LEMD3: variants seen among roughly 807,000 people sequenced by gnomAD.
LEMD3 encodes LEM domain containing 3.
LEMD3 carries 33 observed loss-of-function variants against 95.2 expected under a neutral mutation model. That is an observed-to-expected ratio of 0.35 (90% CI 0.26 to 0.46). The LOEUF (loss-of-function observed/expected upper bound fraction) is 0.46, where lower values mean the gene tolerates loss of function less well. LEMD3 is among the 20% of genes least tolerant of loss of function. The probability of loss-of-function intolerance (pLI) is 1.00; values close to 1 mark genes in which losing one functional copy is unlikely to be tolerated. For synonymous variants in LEMD3, 525 were observed against 474.6 expected (o/e 1.11, Z -1.38); for missense variants, 1,210 against 1,192.8 (o/e 1.01, Z -0.21).
chr12:65,246,163 G>A lies in LEMD3; in HGVS notation c.2574G>A (p.Gly858=). The A allele has an allele frequency of 1.2e-6, 2 of 1,605,500 alleles. No individual in the cohort carries two copies. ...FKALHGSWFD[G]KLVTVKYLRL... ...AATATTATTTTTATCTTACAACAGG[G>A]AAATTGGTTACAGTAAAATATTTAC... is the stretch of plus-strand genomic sequence containing the variant. The change falls in exon 13 of 13, where the codon GGG becomes GGA. Residue 858 remains glycine (G), a splice_region_variant and synonymous_variant. Transcript: ENST00000308330.
In LEMD3 at chr12:65,236,649, T is replaced by C. The variant is rs544668418; in HGVS notation, c.1696-1853T>C. Among the ~76,000 whole-genome samples the C allele has an allele frequency of 2.0e-5, 3 of 152,308 alleles. 1 individual carries two copies. In the South Asian group the frequency reaches 6.2e-4, roughly 32 times the overall value. On this transcript the variant is annotated intron_variant, in intron 4 of 12. Transcript: ENST00000308330. ...AGGGAATTTTTCACTGTGTTGTTTA[T>C]GCTGCACCTCTAGTTTCTAAAATAG... is the stretch of plus-strand genomic sequence containing the variant.
chr12:65,179,435 A>G (rs1868833415), intron 1 of LEMD3, among the ~76,000 whole-genome samples: 2 of 152,206 alleles, frequency 1.3e-5, no homozygotes, highest in Admixed American at 6.5e-5. Context: ...AATATGTTAT[A>G]TAAATGGAAA....
At chr12:65,241,758 T>C (rs1870945357) in intron 9 of LEMD3, among the ~76,000 whole-genome samples, 7 of 152,206 alleles carry the variant, frequency 4.6e-5, no homozygotes, top group Admixed American at 4.6e-4. Context: ...CTAAACATAG[T>C]ATTTGTGGAA....
chr12:65,246,657 A>T lies in LEMD3; in HGVS notation c.*332A>T. The T allele has an allele frequency of 3.3e-6, 1 of 300,146 alleles. No individual in the cohort carries two copies. Among genetic ancestry groups the T allele is most frequent in the Non-Finnish European group, 6.3e-6 (1 of 158,102 alleles). The allele number at this position is 300,146 out of a possible 1,614,324, so 18.6% of individuals were successfully genotyped here. On this transcript the variant is annotated 3_prime_UTR_variant, in exon 13 of 13. Transcript: ENST00000308330. ...GTTTGGATAACCACACAAAAGCATGATGAAAAGGCTTCTTGTAGTCCCATA... is the reference window on the plus strand; with the variant it reads ...GTTTGGATAACCACACAAAAGCATGTTGAAAAGGCTTCTTGTAGTCCCATA...
At position 65,189,946 on chromosome 12, in the gene LEMD3, TAA is replaced by T. The variant is rs1171702153; in HGVS notation, c.1522+18830_1522+18831del. Among the ~76,000 whole-genome samples the T allele has an allele frequency of 2.6e-5, 4 of 152,272 alleles. No homozygotes were observed. In the East Asian group the frequency reaches 7.7e-4, roughly 29 times the overall value. ...CTTCTCAAGGTCCTCAAAATATTTT[TAA>T]AGTTACTGGGCCTGCCTTACTCAAC... On this transcript the variant is annotated intron_variant, in intron 1 of 12. Transcript: ENST00000308330.
intron 4 of LEMD3, among the ~76,000 whole-genome samples, chr12:65,226,466 G>A (rs1215515905): frequency 6.6e-6 from 1 of 151,998 alleles, no homozygotes; most frequent in African/African-American, 2.4e-5. Context: ...GAGGGTCTGG[G>A]GCTTCCTATT....
In LEMD3 at chr12:65,169,860, G is replaced by C; in HGVS notation, c.264G>C (p.Gly88=). The change falls in exon 1 of 13, where the codon GGG becomes GGC. Residue 88 remains glycine, a synonymous_variant. Coordinates refer to ENST00000308330, the MANE Select transcript of LEMD3 (RefSeq NM_014319.5). The stretch of plus-strand genomic sequence containing the variant: ...GACCAGCGGCGGCGGCGGCCGCGGG[G>C]ATGGGGGTCCGGCCGGTCTCGGGCG... ...AAGPAAAAAA[G]MGVRPVSGDL... is the part of the protein sequence containing the mutation. 3 of 1,462,318 alleles carry C rather than the reference G, an allele frequency of 2.1e-6. 1 individual carries two copies. The South Asian group carries it at 4.3e-5, about 21-fold the overall frequency. The allele number at this position is 1,462,318 out of a possible 1,614,324, so 90.6% of individuals were successfully genotyped here.
intron 1 of LEMD3, chr12:65,171,600 G>A: frequency 5.4e-6 from 1 of 184,204 alleles, no homozygotes; most frequent in South Asian, 9.9e-5. Flanking sequence ...AATATTTTGT[G>A]GTATTAACTG....
intron 1 of LEMD3, among the ~76,000 whole-genome samples, chr12:65,205,174 A>G (rs1176314288): frequency 6.6e-6 from 1 of 152,170 alleles, no homozygotes; most frequent in Non-Finnish European, 1.5e-5. Flanking sequence ...TCATGAGAAC[A>G]GCATGGGGGA....
intron 1 of LEMD3, among the ~76,000 whole-genome samples, chr12:65,174,829 T>A (rs1258084773): frequency 6.6e-6 from 1 of 152,204 alleles, no homozygotes; most frequent in Non-Finnish European, 1.5e-5. Context: ...AATAAGAATT[T>A]CACATAATGG....
chr12:65,171,836 G>A (rs1868560571), intron 1 of LEMD3: 1 of 152,212 alleles, frequency 6.6e-6, no homozygotes, highest in South Asian at 2.1e-4. Context: ...AAGTATCTCT[G>A]CCCTTAAACA....
chr12:65,176,835 C>T lies in LEMD3; in HGVS notation c.1522+5717C>T, dbSNP rs571632141. ...TAGATGGAAGTCACATTAGTATCTT[C>T]AGCACAGATTCATTATTCAGCAAAT... On this transcript the variant is annotated intron_variant, in intron 1 of 12. Coordinates refer to ENST00000308330, the MANE Select transcript of LEMD3 (RefSeq NM_014319.5). 1.3e-4 allele frequency among the ~76,000 whole-genome samples: 20 copies of T among 152,294 alleles called. 1 individual carries two copies. The South Asian group carries it at 3.9e-3, about 30-fold the overall frequency.
rs1302868559 is a variant in LEMD3, at chr12:65,169,619, C to A, written c.23C>A (p.Ala8Glu). 4.4e-6 allele frequency: 7 copies of A among 1,588,196 alleles called. No individual in the cohort carries two copies. The South Asian group carries it at 8.0e-5, about 18-fold the overall frequency. Residue 8 changes from alanine (A) to glutamate (E), a missense_variant, in exon 1 of 13, where the codon GCG (alanine) becomes GAG (glutamate). By Grantham distance (107) the Ala-to-Glu change is moderately radical (BLOSUM62 -1). This residue lies in a region of LEMD3 where 749 missense variants were observed against 622.9 expected (regional missense o/e 1.20). Coordinates refer to ENST00000308330, the MANE Select transcript of LEMD3 (RefSeq NM_014319.5). MAAAAAS[A>E]PQQLSDEELF... Reference sequence around the variant, plus strand: ...AAAATGGCGGCGGCAGCAGCTTCGGCGCCTCAGCAGCTCTCGGATGAGGAG... The same window carrying A: ...AAAATGGCGGCGGCAGCAGCTTCGGAGCCTCAGCAGCTCTCGGATGAGGAG...
At chr12:65,223,299 ATTTTTTTTT>A (rs35145654) in intron 4 of LEMD3, among the ~76,000 whole-genome samples, 2 of 118,658 alleles carry the variant, frequency 1.7e-5, no homozygotes, top group African/African-American at 6.4e-5. Flanking sequence ...TCATGTGATG[ATTTTTTTTT>A]TTTTTTTTTT....
chr12:65,216,894 C>G (rs539699332), intron 3 of LEMD3, among the ~76,000 whole-genome samples: 9 of 152,200 alleles, frequency 5.9e-5, no homozygotes, highest in Admixed American at 2.0e-4. Flanking sequence ...GCTTTTAATT[C>G]TGTATTATAT....
At chr12:65,240,865 C>T (rs978142712) in intron 8 of LEMD3, 44 bp from the exon 9 acceptor site, 3 of 1,548,020 alleles carry the variant, frequency 1.9e-6, no homozygotes, top group Non-Finnish European at 1.8e-6. Flanking sequence ...AAAAAGATGA[C>T]AAGCCAAGAT....
intron 1 of LEMD3, among the ~76,000 whole-genome samples, chr12:65,185,044 G>C (rs531899608): frequency 6.6e-6 from 1 of 151,606 alleles, no homozygotes; most frequent in South Asian, 2.1e-4. Flanking sequence ...GTAATTACTC[G>C]GGCCTTGGGC....
intron 4 of LEMD3, among the ~76,000 whole-genome samples, chr12:65,230,497 A>G (rs1026485200): frequency 1.3e-5 from 2 of 151,532 alleles, no homozygotes; most frequent in Non-Finnish European, 2.9e-5. Context: ...AATTGTAGGT[A>G]TTTTATTCAT....
chr12:65,219,233 A>C (rs1045668791), intron 4 of LEMD3, among the ~76,000 whole-genome samples: 23 of 152,232 alleles, frequency 1.5e-4, no homozygotes, highest in Admixed American at 1.2e-3. Flanking sequence ...CCATTTATTT[A>C]AAATCTTCTG....
Sources: gnomAD v4.1 joint callset for allele counts (sites outside exome capture counted in the v4.1 genomes callset) on GRCh38, gnomAD v4.1.1 for gene constraint, gnomAD v4.1.1 regional missense constraint, MANE v1.5 for transcripts, NCBI Gene and HGNC (gene_info 2026-07-23, HGNC 2026-07-21) for gene names.